The following ADD2 variants were observed in gnomAD, a reference collection of about 807,000 sequenced individuals.
ADD2 encodes the protein beta-adducin.
A neutral mutation model predicts 83.0 loss-of-function variants in ADD2; 23 were observed. That is an observed-to-expected ratio of 0.28 (90% CI 0.20 to 0.39). ADD2 has a LOEUF of 0.39. ADD2 is among the 10% of genes least tolerant of loss of function. ADD2 has a pLI of 1.00. For synonymous variants in ADD2, 375 were observed against 375.4 expected (o/e 1.00, Z 0.01); for missense variants, 758 against 944.9 (o/e 0.80, Z 2.59).
intron 2 of ADD2, among the ~76,000 whole-genome samples, chr2:70,709,159 C>T (rs1315155656): frequency 6.6e-6 from 1 of 152,096 alleles, no homozygotes; most frequent in Non-Finnish European, 1.5e-5. Flanking sequence ...AAACCAGGAC[C>T]TATGATCTTA....
chr2:70,765,359 AT>A lies in ADD2; in HGVS notation c.-154+2526del, dbSNP rs527820041. ...CAGAATGAGATTGTGTCTCAAAAAA[AT>A]ATAAAACATAAAAAATAAAAAAGAA... On this transcript the variant is annotated intron_variant, in intron 1 of 15. Transcript: ENST00000264436. Among the ~76,000 whole-genome samples the A allele has an allele frequency of 2.3e-4, 35 of 152,364 alleles. 2 individuals carry two copies. The highest frequency in any genetic ancestry group is 3.4e-3 in the Middle Eastern group (1 of 294).
At chr2:70,729,054 C>A (rs1270243345) in intron 1 of ADD2, among the ~76,000 whole-genome samples, 1 of 152,210 alleles carries the variant, frequency 6.6e-6, no homozygotes, top group Non-Finnish European at 1.5e-5. Flanking sequence ...CCTTCACTGG[C>A]CTAACCATTC....
In ADD2 at chr2:70,661,606, CA is replaced by C. The variant is rs1268501207; in HGVS notation, c.*1818del. ...TATGGATGGTATTTCCCGCCCCAAC[CA>C]GAAGGCTCTTGCCTCTCCTTTGTCA... On this transcript the variant is annotated 3_prime_UTR_variant, in exon 16 of 16. Coordinates refer to ENST00000264436, the MANE Select transcript of ADD2 (RefSeq NM_001617.4). The C allele has an allele frequency of 6.6e-6, 1 of 152,214 alleles. No individual in the cohort carries two copies. 9.4% of individuals were successfully genotyped at this position (152,214 alleles called of 1,614,324 possible). A position where few individuals can be genotyped will look rare whatever the true frequency, so the allele number is the denominator to read the frequency against.
intron 1 of ADD2, among the ~76,000 whole-genome samples, chr2:70,744,099 G>A (rs1462082991): frequency 3.3e-5 from 5 of 152,102 alleles, no homozygotes; most frequent in African/African-American, 1.2e-4. Context: ...AGAGTAATAA[G>A]AACTATGACA....
intron 8 of ADD2, among the ~76,000 whole-genome samples, chr2:70,688,650 AG>A (rs1462516690): frequency 6.6e-6 from 1 of 152,170 alleles, no homozygotes; most frequent in East Asian, 1.9e-4. Context: ...CTACAGAAAC[AG>A]GTGAGTCACG....
Position 70,676,864 on chromosome 2 carries a change from C to G in ADD2, c.1525G>C (p.Asp509His). ...GACTGAGGCCCCGCTGACTTCACATCTTGTCGGTTTTGTTCTCGAATCTGT... is the reference window on the plus strand; with the variant it reads ...GACTGAGGCCCCGCTGACTTCACATGTTGTCGGTTTTGTTCTCGAATCTGT... Reference protein sequence around the residue: ...RNKIREQNRQDVKSAGPQSQL... With the variant: ...RNKIREQNRQHVKSAGPQSQL... Residue 509 changes from aspartate (D) to histidine (H), a missense_variant, in exon 13 of 16, where the codon GAT becomes CAT. Asp to His is a moderately conservative substitution (Grantham distance 81). Coordinates refer to ENST00000264436, the MANE Select transcript of ADD2 (RefSeq NM_001617.4). The surrounding 1 kb of genome is among the most constrained non-coding windows in gnomAD (Gnocchi z 4.8). The G allele has an allele frequency of 6.2e-7, 1 of 1,613,918 alleles. No homozygotes were observed. Among genetic ancestry groups the G allele is most frequent in the Non-Finnish European group, 8.5e-7 (1 of 1,179,846 alleles).
At chr2:70,762,474 C>A (rs2104564619) in intron 1 of ADD2, among the ~76,000 whole-genome samples, 1 of 151,890 alleles carries the variant, frequency 6.6e-6, no homozygotes, top group African/African-American at 2.4e-5. Context: ...CCAGCTTTAG[C>A]ACTGAAAATC....
chr2:70,712,178 T>C (rs922203271), intron 2 of ADD2, among the ~76,000 whole-genome samples: 1 of 152,184 alleles, frequency 6.6e-6, no homozygotes. Context: ...GTGCAGTGGC[T>C]CATGTCTGTA....
chr2:70,657,648 C>T lies in ADD2; in HGVS notation c.*5777G>A, dbSNP rs1415944040. On this transcript the variant is annotated 3_prime_UTR_variant, in exon 16 of 16. Coordinates refer to ENST00000264436, the MANE Select transcript of ADD2 (RefSeq NM_001617.4). ...TCCAATTGCCATCCTCCTTCTGATT[C>T]ACGTTAAAAGGGGAGATCTGGCCTT... The T allele has an allele frequency of 6.6e-6, 1 of 152,152 alleles. No individual in the cohort carries two copies. Among genetic ancestry groups the T allele is most frequent in the Non-Finnish European group, 1.5e-5 (1 of 68,028 alleles). The allele number at this position is 152,152 out of a possible 1,614,324, so 9.4% of individuals were successfully genotyped here.
At chr2:70,756,170 C>A (rs568802136) in intron 1 of ADD2, among the ~76,000 whole-genome samples, 7 of 152,106 alleles carry the variant, frequency 4.6e-5, no homozygotes, top group Non-Finnish European at 1.0e-4. Context: ...TGCCTACCCC[C>A]TTTCCTCCCC....
At chr2:70,709,325 CA>C (rs61422231) in intron 2 of ADD2, among the ~76,000 whole-genome samples, 2,789 of 106,044 alleles carry the variant, frequency 0.026, 45 homozygotes, top group African/African-American at 0.058. Context: ...GAGTGGGAGC[CA>C]AAAAAAAAAA....
intron 7 of ADD2, 84 bp from the exon 8 acceptor site, chr2:70,691,013 G>A: frequency 6.8e-7 from 1 of 1,475,522 alleles, no homozygotes; most frequent in Non-Finnish European, 9.0e-7. Context: ...TACTCTGGGG[G>A]CCAGTGAGGG....
chr2:70,736,459 C>T (rs1021885975), intron 1 of ADD2, among the ~76,000 whole-genome samples: 1 of 152,208 alleles, frequency 6.6e-6, no homozygotes, highest in African/African-American at 2.4e-5. Flanking sequence ...GATAGCTCCT[C>T]ACCTGTACTG....
chr2:70,692,260 G>A (rs782748803), intron 7 of ADD2, 143 bp downstream of exon 7: 15 of 907,412 alleles, frequency 1.7e-5, no homozygotes, highest in Non-Finnish European at 2.3e-5. Context: ...AGATGGAGAG[G>A]CTGGGCGTTT....
At chr2:70,751,957 G>A (rs1553382998) in intron 1 of ADD2, among the ~76,000 whole-genome samples, 1 of 152,162 alleles carries the variant, frequency 6.6e-6, no homozygotes, top group African/African-American at 2.4e-5. Context: ...TTTCACAAGG[G>A]CACACAAGAC....
At chr2:70,701,224 T>A (rs965448614) in intron 4 of ADD2, among the ~76,000 whole-genome samples, 1 of 152,072 alleles carries the variant, frequency 6.6e-6, no homozygotes, top group Non-Finnish European at 1.5e-5. Context: ...AATGATTTAT[T>A]TCAGTAATGA....
intron 12 of ADD2, 38 bp downstream of exon 12, chr2:70,677,720 T>A (rs782163938): frequency 6.2e-7 from 1 of 1,605,086 alleles, no homozygotes; most frequent in Non-Finnish European, 8.5e-7. Flanking sequence ...CCCCCCAGTG[T>A]GGGAGAAGAA....
chr2:70,736,295 GA>G (rs782775484), intron 1 of ADD2, among the ~76,000 whole-genome samples: 4 of 152,234 alleles, frequency 2.6e-5, no homozygotes, highest in Non-Finnish European at 4.4e-5. Context: ...CAGCTAGGCA[GA>G]AGCCTGGAGT....
In ADD2 at chr2:70,657,041, A is replaced by T. The variant is rs1286013237; in HGVS notation, c.*6384T>A. On this transcript the variant is annotated 3_prime_UTR_variant, in exon 16 of 16. Coordinates refer to ENST00000264436, the MANE Select transcript of ADD2 (RefSeq NM_001617.4). ...TATATATAATATGTGTATATATATA[A>T]AATTGCAAAATAAAAGCCCAAGAAA... 6.6e-6 allele frequency: 1 copy of T among 151,388 alleles called. No homozygotes were observed. Among genetic ancestry groups the T allele is most frequent in the African/African-American group, 2.4e-5 (1 of 41,228 alleles). The allele number at this position is 151,388 out of a possible 1,614,324, so 9.4% of individuals were successfully genotyped here. A position where few individuals can be genotyped will look rare whatever the true frequency, so the allele number is the denominator to read the frequency against.
Sources: gnomAD v4.1 joint callset for allele counts (sites outside exome capture counted in the v4.1 genomes callset) on GRCh38, gnomAD v4.1.1 for gene constraint, Gnocchi (gnomAD v3.1) non-coding constraint, MANE v1.5 for transcripts, NCBI Gene and HGNC (gene_info 2026-07-23, HGNC 2026-07-21) for gene names.